The following SCN2A variants were observed in gnomAD, a reference collection of about 807,000 sequenced individuals.
SCN2A encodes the protein sodium voltage-gated channel alpha subunit 2, also known as sodium channel protein type 2 subunit alpha.
SCN2A carries 20 observed loss-of-function variants against 188.7 expected under a neutral mutation model. The ratio of observed to expected loss-of-function variants is 0.11; its 90% CI spans 0.07 to 0.15. SCN2A has a LOEUF of 0.15. SCN2A is among the 10% of genes least tolerant of loss of function. The pLI, the probability that SCN2A is intolerant of heterozygous loss-of-function variation, is 1.00. For missense variants in SCN2A, 1,278 were observed against 2,445.0 expected (o/e 0.52, Z 10.07); for synonymous variants, 804 against 833.1 (o/e 0.97, Z 0.60).
At chr2:165,316,416 C>A (rs1459142647) in intron 11 of SCN2A, among the ~76,000 whole-genome samples, 1 of 152,092 alleles carries the variant, frequency 6.6e-6, no homozygotes, top group Non-Finnish European at 1.5e-5. Context: ...ATGCCTCTGC[C>A]TTTTGTACTC....
chr2:165,388,871 G>C lies in SCN2A; in HGVS notation c.5065G>C (p.Val1689Leu), dbSNP rs796053161. 2 of 1,614,094 alleles carry C rather than the reference G, an allele frequency of 1.2e-6. No individual in the cohort carries two copies. Among genetic ancestry groups the C allele is most frequent in the South Asian group, 1.1e-5 (1 of 91,074 alleles). ...MSNFAYVKRE[V>L]GIDDMFNFET... Reference sequence around the variant, plus strand: ...CAATTTTGCCTATGTTAAGAGGGAAGTTGGGATCGATGACATGTTCAACTT... The same window carrying C: ...CAATTTTGCCTATGTTAAGAGGGAACTTGGGATCGATGACATGTTCAACTT... The change falls in exon 27 of 27, where the codon GTT (valine) becomes CTT (leucine). Residue 1689 changes from valine to leucine, a missense_variant. Val to Leu is a conservative substitution (Grantham distance 32). Coordinates refer to ENST00000375437, the MANE Select transcript of SCN2A (RefSeq NM_001040142.2).
At position 165,313,626 on chromosome 2, in the gene SCN2A, T is replaced by C. The variant is rs201602732; in HGVS notation, c.1041T>C (p.Cys347=). 6.2e-7 allele frequency: 1 copy of C among 1,613,358 alleles called. No homozygotes were observed. Among genetic ancestry groups the C allele is most frequent in the East Asian group, 2.2e-5 (1 of 44,856 alleles). The change falls in exon 9 of 27, where the codon TGT becomes TGC. Residue 347 remains cysteine (C), a synonymous_variant. Coordinates refer to ENST00000375437, the MANE Select transcript of SCN2A (RefSeq NM_001040142.2). ...LCGNSSDAGQ[C]PEGYICVKAG... ...TCCTCTAACCTAATTATAGCCAGTGTCCTGAAGGATACATCTGTGTGAAGG... is the reference window on the plus strand; with the variant it reads ...TCCTCTAACCTAATTATAGCCAGTGCCCTGAAGGATACATCTGTGTGAAGG...
At chr2:165,375,219 C>A (rs1701247049) in intron 22 of SCN2A, among the ~76,000 whole-genome samples, 1 of 152,002 alleles carries the variant, frequency 6.6e-6, no homozygotes, top group East Asian at 1.9e-4. Flanking sequence ...TGTGATCCAA[C>A]AATTCCATTA....
intron 14 of SCN2A, among the ~76,000 whole-genome samples, chr2:165,335,772 C>A (rs1217229401): frequency 6.6e-6 from 1 of 151,676 alleles, no homozygotes; most frequent in Non-Finnish European, 1.5e-5. Flanking sequence ...AAATTAGAAA[C>A]TTTCATACTG....
intron 16 of SCN2A, among the ~76,000 whole-genome samples, chr2:165,352,372 T>C (rs916494301): frequency 1.3e-5 from 2 of 152,068 alleles, no homozygotes; most frequent in African/African-American, 4.8e-5. Flanking sequence ...CTTACATATT[T>C]TTACTTTAAA....
Position 165,258,580 on chromosome 2 carries a change from T to C in SCN2A, c.-52+18940T>C, listed in dbSNP as rs188785700. Among the ~76,000 whole-genome samples the C allele has an allele frequency of 2.4e-4, 36 of 152,306 alleles. No individual in the cohort carries two copies. In the East Asian group the frequency reaches 4.2e-3, roughly 18 times the overall value. On this transcript the variant is annotated intron_variant, in intron 1 of 26. Coordinates refer to ENST00000375437, the MANE Select transcript of SCN2A (RefSeq NM_001040142.2). ...CCATTCAACCCAGCAACCCCATAAT[T>C]GGGTATGTGCCCAAAGAAATATAAA... is the stretch of plus-strand genomic sequence containing the variant.
At chr2:165,250,612 A>G (rs1447853605) in intron 1 of SCN2A, among the ~76,000 whole-genome samples, 1 of 151,904 alleles carries the variant, frequency 6.6e-6, no homozygotes, top group East Asian at 1.9e-4. Context: ...ACAACCAATA[A>G]CAGATTAACC....
chr2:165,278,302 G>C (rs1460566585), intron 1 of SCN2A, among the ~76,000 whole-genome samples: 1 of 152,268 alleles, frequency 6.6e-6, no homozygotes, highest in South Asian at 2.1e-4. Context: ...ATTTACAAAG[G>C]AAAGAGGTTT....
Position 165,354,443 on chromosome 2 carries a change from C to T in SCN2A, c.3171C>T (p.Thr1057=), listed in dbSNP as rs1700080100. The T allele has an allele frequency of 1.9e-6, 3 of 1,613,878 alleles. No homozygotes were observed. Among genetic ancestry groups the T allele is most frequent in the Non-Finnish European group, 8.5e-7 (1 of 1,179,970 alleles). ...AAGACAGCTGTATTTCCAACCATAC[C>T]ACCATAGAAATAGGCAAAGACCTCA... ...NKKDSCISNH[T]TIEIGKDLNY... is the part of the protein sequence containing the mutation. Residue 1057 remains threonine (T), a synonymous_variant, in exon 17 of 27, where the codon ACC becomes ACT. Transcript: ENST00000375437.
At chr2:165,272,764 T>TCACACACACACACA (rs71912251) in intron 1 of SCN2A, 1 of 148,332 alleles carries the variant, frequency 6.7e-6, no homozygotes, top group African/African-American at 2.5e-5. Context: ...AAGAGGGAAA[T>TCACACACACACACA]CACACACACA....
At chr2:165,270,845 CA>C (rs756226646) in intron 1 of SCN2A, 1 of 152,236 alleles carries the variant, frequency 6.6e-6, no homozygotes, top group African/African-American at 2.4e-5. Context: ...CTTTTATAAA[CA>C]AAAAGCAATA....
At chr2:165,274,461 G>T (rs763469008) in intron 1 of SCN2A, 43 of 151,864 alleles carry the variant, frequency 2.8e-4, no homozygotes, top group Admixed American at 1.7e-3. Flanking sequence ...AATGTATTAG[G>T]AATGACTGGA....
At chr2:165,370,470 A>T in intron 20 of SCN2A, 171 bp downstream of exon 20, 1 of 650,414 alleles carries the variant, frequency 1.5e-6, no homozygotes, top group South Asian at 1.8e-5. Context: ...CAATTTAAAT[A>T]CATATACATT....
At position 165,391,001 on chromosome 2, in the gene SCN2A, A is replaced by G. The variant is rs1702102047; in HGVS notation, c.*1177A>G. 6.6e-6 allele frequency: 1 copy of G among 152,614 alleles called. No individual in the cohort carries two copies. Among genetic ancestry groups the G allele is most frequent in the South Asian group, 2.1e-4 (1 of 4,830 alleles). The allele number at this position is 152,614 out of a possible 1,614,324, so 9.5% of individuals were successfully genotyped here. ...AAGCACACTACTTATTGCATCAAAT[A>G]TGTACCACAGTAAGTATAGTTTGCA... On this transcript the variant is annotated 3_prime_UTR_variant, in exon 27 of 27. Transcript: ENST00000375437.
At chr2:165,287,648 A>C (rs977390814) in intron 1 of SCN2A, among the ~76,000 whole-genome samples, 1 of 152,008 alleles carries the variant, frequency 6.6e-6, no homozygotes, top group Non-Finnish European at 1.5e-5. Context: ...GGGGCTCTCT[A>C]CTGCCTTGCT....
rs1699372043 is a variant in SCN2A at position 165,342,561 on chromosome 2, T to C, written c.2562+92T>C. 3.0e-6 allele frequency: 4 copies of C among 1,352,598 alleles called. No individual in the cohort carries two copies. The South Asian group carries it at 4.7e-5, about 16-fold the overall frequency. 83.8% of individuals were successfully genotyped at this position (1,352,598 alleles called of 1,614,324 possible). The stretch of plus-strand genomic sequence containing the variant: ...AAAATGGCAAGATTTCCCATCATTA[T>C]AATATTATTTGAATACACTTCTAAA... On this transcript the variant is annotated intron_variant, in intron 15 of 26. Coordinates refer to ENST00000375437, the MANE Select transcript of SCN2A (RefSeq NM_001040142.2).
intron 23 of SCN2A, among the ~76,000 whole-genome samples, chr2:165,380,179 T>C (rs1475307672): frequency 6.6e-6 from 1 of 151,848 alleles, no homozygotes; most frequent in Non-Finnish European, 1.5e-5. Flanking sequence ...GTTTGATTAT[T>C]TTCATCTCAC....
intron 4 of SCN2A, among the ~76,000 whole-genome samples, chr2:165,308,181 T>A (rs1697241699): frequency 6.6e-6 from 1 of 152,116 alleles, no homozygotes; most frequent in Non-Finnish European, 1.5e-5. Context: ...TCTTTGTGAG[T>A]CTTATGTTCT....
At chr2:165,336,348 A>G (rs1430017431) in intron 14 of SCN2A, among the ~76,000 whole-genome samples, 10 of 151,966 alleles carry the variant, frequency 6.6e-5, no homozygotes, top group Non-Finnish European at 1.3e-4. Flanking sequence ...TCAAATGTCT[A>G]TCACTTGATG....
Sources: gnomAD v4.1 joint callset for allele counts (sites outside exome capture counted in the v4.1 genomes callset) on GRCh38, gnomAD v4.1.1 for gene constraint, MANE v1.5 for transcripts, NCBI Gene and HGNC (gene_info 2026-07-23, HGNC 2026-07-21) for gene names.